The following EPCAM variants were observed in gnomAD, a reference collection of about 807,000 sequenced individuals.
The protein encoded by EPCAM is epithelial cell adhesion molecule.
Under a neutral mutation model 40.0 loss-of-function variants are expected in EPCAM, and 39 were observed. That is an observed-to-expected ratio of 0.98 (90% CI 0.76 to 1.27). The LOEUF (loss-of-function observed/expected upper bound fraction) is 1.27, where lower values mean the gene tolerates loss of function less well. Ranked by LOEUF, EPCAM falls within the 50% of genes most tolerant of loss-of-function variation. EPCAM has a pLI of 0.00. For synonymous variants in EPCAM, 168 were observed against 132.3 expected, an observed-to-expected ratio of 1.27 and a Z score of -1.85; for missense variants, 503 against 381.2, an observed-to-expected ratio of 1.32 and a Z score of -2.66.
At chr2:47,385,362 T>C in intron 8 of EPCAM, 152 bp downstream of exon 8, 1 of 702,550 alleles carries the variant, frequency 1.4e-6, no homozygotes, top group South Asian at 1.6e-5. Context: ...GAATGTACTC[T>C]TACCTAAATA....
At chr2:47,379,212 C>G (rs1025779427) in intron 6 of EPCAM, among the ~76,000 whole-genome samples, 158 bp downstream of exon 6, 1 of 152,142 alleles carries the variant, frequency 6.6e-6, no homozygotes, top group Non-Finnish European at 1.5e-5. Context: ...ATGCATCTTG[C>G]TTGTTTGTAT....
intron 5 of EPCAM, chr2:47,377,690 T>TA: frequency 2.6e-6 from 1 of 383,460 alleles, no homozygotes; most frequent in South Asian, 2.0e-5. Context: ...AGTAACATCT[T>TA]AAAGTAAATA....
intron 5 of EPCAM, among the ~76,000 whole-genome samples, chr2:47,378,582 A>G (rs1006030833): frequency 6.6e-6 from 1 of 152,106 alleles, no homozygotes; most frequent in African/African-American, 2.4e-5. Flanking sequence ...GATTACAGGC[A>G]TGAGCCACTG....
Position 47,369,360 on chromosome 2 carries a change from A to AC in EPCAM, c.-141dup, listed in dbSNP as rs1209945156. The AC allele has an allele frequency of 8.3e-7, 1 of 1,210,934 alleles. No homozygotes were observed. Among genetic ancestry groups the AC allele is most frequent in the Non-Finnish European group, 1.1e-6 (1 of 926,346 alleles). The allele number at this position is 1,210,934 out of a possible 1,614,324, so 75.0% of individuals were successfully genotyped here. A position where few individuals can be genotyped will look rare whatever the true frequency, so the allele number is the denominator to read the frequency against. ...CGAGCACCTTCGACGCGGTCCGGGG[A>AC]CCCCCTCGTCGCTGTCCTCCCGACG... On this transcript the variant is annotated 5_prime_UTR_variant, in exon 1 of 9. Coordinates refer to ENST00000263735, the MANE Select transcript of EPCAM (RefSeq NM_002354.3).
Position 47,373,212 on chromosome 2 carries a change from A to C in EPCAM, c.77-251A>C, listed in dbSNP as rs796885914. ...AGAGTGAGACCCTATCTTTAAAAAA[A>C]AAAAAAAAAAAAAAAAAAAAAAACA... is the stretch of plus-strand genomic sequence containing the variant. On this transcript the variant is annotated intron_variant, in intron 1 of 8. Transcript: ENST00000263735. Among the ~76,000 whole-genome samples the C allele has an allele frequency of 0.062, 8,800 of 141,116 alleles. 406 individuals are homozygous for C. The highest frequency in any genetic ancestry group is 0.22 in the East Asian group (1,090 of 4,882). 92.6% of individuals were successfully genotyped at this position (141,116 alleles called of 152,430 possible).
intron 1 of EPCAM, among the ~76,000 whole-genome samples, chr2:47,371,945 C>A (rs1243822200): frequency 6.6e-6 from 1 of 152,076 alleles, no homozygotes; most frequent in African/African-American, 2.4e-5. Flanking sequence ...TTTTCCTCTT[C>A]AGTTGAACTG....
At chr2:47,381,256 C>A (rs1204931314) in intron 7 of EPCAM, among the ~76,000 whole-genome samples, 1 of 151,588 alleles carries the variant, frequency 6.6e-6, no homozygotes, top group Non-Finnish European at 1.5e-5. Flanking sequence ...ATTATCCGGG[C>A]ATGGTGTCTC....
Position 47,369,339 on chromosome 2 carries a change from C to A in EPCAM, c.-167C>A. The A allele has an allele frequency of 7.8e-7, 1 of 1,279,692 alleles. No homozygotes were observed. Among genetic ancestry groups the A allele is most frequent in the Admixed American group, 3.9e-5 (1 of 25,336 alleles). The allele number at this position is 1,279,692 out of a possible 1,614,324, so 79.3% of individuals were successfully genotyped here. On this transcript the variant is annotated 5_prime_UTR_variant, in exon 1 of 9. Coordinates refer to ENST00000263735, the MANE Select transcript of EPCAM (RefSeq NM_002354.3). ...GAGCGCTAGTCCTTCGGCGAGCGAG[C>A]ACCTTCGACGCGGTCCGGGGACCCC...
chr2:47,369,385 G>T lies in EPCAM; in HGVS notation c.-121G>T. ...ACCCCCTCGTCGCTGTCCTCCCGACGCGGACCCGCGTGCCCCAGGCCTCGC... is the reference window on the plus strand; with the variant it reads ...ACCCCCTCGTCGCTGTCCTCCCGACTCGGACCCGCGTGCCCCAGGCCTCGC... On this transcript the variant is annotated 5_prime_UTR_variant, in exon 1 of 9. Transcript: ENST00000263735. 8.3e-7 allele frequency: 1 copy of T among 1,198,888 alleles called. No homozygotes were observed. The highest frequency in any genetic ancestry group is 1.1e-6 in the Non-Finnish European group (1 of 920,088). The allele number at this position is 1,198,888 out of a possible 1,614,324, so 74.3% of individuals were successfully genotyped here. A position where few individuals can be genotyped will look rare whatever the true frequency, so the allele number is the denominator to read the frequency against.
At position 47,369,529 on chromosome 2, in the gene EPCAM, G is replaced by A. The variant is rs777677935; in HGVS notation, c.24G>A (p.Ala8=). 6.3e-7 allele frequency: 1 copy of A among 1,575,800 alleles called. No homozygotes were observed. The highest frequency in any genetic ancestry group is 8.6e-7 in the Non-Finnish European group (1 of 1,166,412). Residue 8 remains alanine, a synonymous_variant, in exon 1 of 9, where the codon GCG becomes GCA. Coordinates refer to ENST00000263735, the MANE Select transcript of EPCAM (RefSeq NM_002354.3). The part of the protein sequence containing the change: MAPPQVL[A]FGLLLAAATA... ...GCATGGCGCCCCCGCAGGTCCTCGC[G>A]TTCGGGCTTCTGCTTGCCGCGGCGA...
intron 3 of EPCAM, among the ~76,000 whole-genome samples, 185 bp from the exon 4 acceptor site, chr2:47,375,049 A>G (rs1671386570): frequency 6.6e-6 from 1 of 152,220 alleles, no homozygotes; most frequent in South Asian, 2.1e-4. Flanking sequence ...AATATTAGAA[A>G]AGGTGTTCCC....
chr2:47,373,793 A>G lies in EPCAM; in HGVS notation c.185-15A>G, dbSNP rs763889021. 32 of 1,613,996 alleles carry G rather than the reference A, an allele frequency of 2.0e-5. No homozygotes were observed. Among genetic ancestry groups the G allele is most frequent in the Middle Eastern group, 3.3e-4 (2 of 6,084 alleles). ...TCAGTTATTTTTCAGTTTGGCATTAAGGTTTCTTTTTCAGTGGCTGCCAAA... is the reference window on the plus strand; with the variant it reads ...TCAGTTATTTTTCAGTTTGGCATTAGGGTTTCTTTTTCAGTGGCTGCCAAA... On this transcript the variant is annotated splice_polypyrimidine_tract_variant and intron_variant, in intron 2 of 8. Coordinates refer to ENST00000263735, the MANE Select transcript of EPCAM (RefSeq NM_002354.3).
At chr2:47,371,649 C>G (rs1671273802) in intron 1 of EPCAM, among the ~76,000 whole-genome samples, 2 of 152,180 alleles carry the variant, frequency 1.3e-5, no homozygotes, top group South Asian at 4.1e-4. Flanking sequence ...GGTTTGTGCT[C>G]AGAAAGTCTG....
chr2:47,379,154 A>T, intron 6 of EPCAM, 100 bp downstream of exon 6: 1 of 756,926 alleles, frequency 1.3e-6, no homozygotes, highest in Non-Finnish European at 2.4e-6. Flanking sequence ...TTACAGATCA[A>T]CCAAATGGTT....
At chr2:47,378,100 G>GA (rs1396262311) in intron 5 of EPCAM, among the ~76,000 whole-genome samples, 6 of 151,978 alleles carry the variant, frequency 3.9e-5, no homozygotes, top group African/African-American at 1.4e-4. Context: ...ATGTGGTGGT[G>GA]GGCACCTGTA....
rs863224708 is a variant in EPCAM at position 47,373,826 on chromosome 2, T to G, written c.203T>G (p.Val68Gly). 4 of 1,614,006 alleles carry G rather than the reference T, an allele frequency of 2.5e-6. No homozygotes were observed. The highest frequency in any genetic ancestry group is 1.6e-4 in the Middle Eastern group (1 of 6,062). ...TTTTCAGTGGCTGCCAAATGTTTGG[T>G]GATGAAGGCAGAAATGAATGGCTCA... ...ICSKLAAKCL[V>G]MKAEMNGSKL... The change falls in exon 3 of 9, where the codon GTG (valine) becomes GGG (glycine). Residue 68 changes from valine (V) to glycine (G), a missense_variant. Val to Gly is a moderately radical substitution (Grantham distance 109). Coordinates refer to ENST00000263735, the MANE Select transcript of EPCAM (RefSeq NM_002354.3).
chr2:47,375,420 A>C (rs1449031057), intron 4 of EPCAM, 121 bp downstream of exon 4: 1 of 710,960 alleles, frequency 1.4e-6, no homozygotes, highest in Non-Finnish European at 2.6e-6. Context: ...AAGTTACTTG[A>C]AATAGAGTTG....
chr2:47,379,384 A>T (rs1477969779), intron 6 of EPCAM, among the ~76,000 whole-genome samples: 1 of 152,236 alleles, frequency 6.6e-6, no homozygotes, highest in Non-Finnish European at 1.5e-5. Flanking sequence ...ACTGTAACTG[A>T]TATGATTAAA....
rs1437855503 is a variant in EPCAM at position 47,369,429 on chromosome 2, C to G, written c.-77C>G. ...GCCTCGCGCTGCCCGGCCGGCTCCT[C>G]GTGTCCCACTCCCGGCGCACGCCCT... On this transcript the variant is annotated 5_prime_UTR_variant, in exon 1 of 9. Coordinates refer to ENST00000263735, the MANE Select transcript of EPCAM (RefSeq NM_002354.3). 31 of 1,313,838 alleles carry G rather than the reference C, an allele frequency of 2.4e-5. No individual in the cohort carries two copies. The East Asian group carries it at 3.0e-4, about 13-fold the overall frequency. 81.4% of individuals were successfully genotyped at this position (1,313,838 alleles called of 1,614,324 possible). A position where few individuals can be genotyped will look rare whatever the true frequency, so the allele number is the denominator to read the frequency against.
Sources: allele counts gnomAD v4.1 joint callset (sites outside exome capture counted in the v4.1 genomes callset), GRCh38; gene constraint gnomAD v4.1.1; transcripts MANE v1.5; gene names NCBI Gene and HGNC (gene_info 2026-07-23, HGNC 2026-07-21).